RALGAPA1: variants seen among roughly 807,000 people sequenced by gnomAD.
The protein encoded by RALGAPA1 is ral GTPase-activating protein subunit alpha-1.
RALGAPA1 carries 52 observed loss-of-function variants against 269.6 expected under a neutral mutation model. That is an observed-to-expected ratio of 0.19 (90% CI 0.15 to 0.24). The LOEUF is 0.24. Ranked by LOEUF, RALGAPA1 falls within the 10% of genes least tolerant of loss-of-function variation. The probability of loss-of-function intolerance (pLI) is 1.00; values close to 1 mark genes in which losing one functional copy is unlikely to be tolerated. For missense variants in RALGAPA1, 1,917 were observed against 3,013.9 expected (o/e 0.64, Z 8.52); for synonymous variants, 817 against 1,008.3 (o/e 0.81, Z 3.60).
At chr14:35,676,639 G>T (rs892504455) in intron 22 of RALGAPA1, 2 of 152,166 alleles carry the variant, frequency 1.3e-5, no homozygotes, top group African/African-American at 4.8e-5. Context: ...TCATGAATAT[G>T]GCCATTATAT....
chr14:35,599,880 A>C (rs1365063067), intron 36 of RALGAPA1, among the ~76,000 whole-genome samples: 1 of 152,186 alleles, frequency 6.6e-6, no homozygotes, highest in Non-Finnish European at 1.5e-5. Context: ...CCCCCCACAG[A>C]TAAGGTACAC....
chr14:35,545,510 AAAGT>A (rs2054376640), intron 41 of RALGAPA1, among the ~76,000 whole-genome samples: 1 of 152,054 alleles, frequency 6.6e-6, no homozygotes, highest in Admixed American at 6.5e-5. Context: ...ATATTCTCCA[AAAGT>A]AATTATAAAA....
Position 35,689,636 on chromosome 14 carries a change from A to G in RALGAPA1, c.2775T>C (p.Phe925=). The G allele has an allele frequency of 1.6e-6, 2 of 1,268,462 alleles. No individual in the cohort carries two copies. Among genetic ancestry groups the G allele is most frequent in the Non-Finnish European group, 2.0e-6 (2 of 1,010,044 alleles). 78.6% of individuals were successfully genotyped at this position (1,268,462 alleles called of 1,614,324 possible). ...IGPVELADSA[F]EQIQYIDLEG... ...CAAGGTCAATGTACTGGATTTGTTCAAAAGCTGAATCTGCAAGTTCTACTG... is the reference window on the plus strand; with the variant it reads ...CAAGGTCAATGTACTGGATTTGTTCGAAAGCTGAATCTGCAAGTTCTACTG... The change falls in exon 18 of 42, where the codon TTT becomes TTC. Residue 925 remains phenylalanine (F), a synonymous_variant. Transcript: ENST00000680220.
Position 35,538,713 on chromosome 14 carries a change from T to C in RALGAPA1, c.*1001A>G, listed in dbSNP as rs2053720852. 1 of 152,030 alleles carries C rather than the reference T, an allele frequency of 6.6e-6. No homozygotes were observed. The highest frequency in any genetic ancestry group is 2.1e-4 in the South Asian group (1 of 4,818). The allele number at this position is 152,030 out of a possible 1,614,324, so 9.4% of individuals were successfully genotyped here. The stretch of plus-strand genomic sequence containing the variant: ...TAATACTCATAATTTGAACAACATA[T>C]TTATATCAGAAAATTTTCCTTCTTT... On this transcript the variant is annotated 3_prime_UTR_variant, in exon 42 of 42. Coordinates refer to ENST00000680220, the MANE Select transcript of RALGAPA1 (RefSeq NM_001346249.2).
At chr14:35,781,018 T>A (rs2075385844) in intron 1 of RALGAPA1, among the ~76,000 whole-genome samples, 1 of 151,824 alleles carries the variant, frequency 6.6e-6, no homozygotes, top group African/African-American at 2.4e-5. Context: ...GAAATAAAGA[T>A]TAGAAAGGAC....
At chr14:35,570,285 A>G (rs2057075519) in intron 39 of RALGAPA1, among the ~76,000 whole-genome samples, 2 of 151,508 alleles carry the variant, frequency 1.3e-5, no homozygotes, top group African/African-American at 2.4e-5. Context: ...AAAAAAAAAA[A>G]GCATGTGAAA....
chr14:35,545,867 A>G (rs1215071711), intron 41 of RALGAPA1, among the ~76,000 whole-genome samples: 2 of 152,170 alleles, frequency 1.3e-5, no homozygotes, highest in Non-Finnish European at 2.9e-5. Flanking sequence ...CAAGAAGAGC[A>G]GTAATTTCAT....
At position 35,600,232 on chromosome 14, in the gene RALGAPA1, C is replaced by CTTTTTTT. The variant is rs71124708; in HGVS notation, c.7054-4450_7054-4444dup. ...TCCTTTTTTTTCTTTTTCTTTTTTT[C>CTTTTTTT]TTTTTTTTTTTTTTTTTGAGACAGG... On this transcript the variant is annotated intron_variant, in intron 36 of 41. Transcript: ENST00000680220. Among the ~76,000 whole-genome samples, 47 of 86,944 alleles carry CTTTTTTT rather than the reference C, an allele frequency of 5.4e-4. 2 individuals are homozygous for CTTTTTTT. Among genetic ancestry groups the CTTTTTTT allele is most frequent in the African/African-American group, 1.3e-3 (30 of 22,910 alleles). 57.0% of individuals were successfully genotyped at this position (86,944 alleles called of 152,430 possible).
rs552670428 is a variant in RALGAPA1, at chr14:35,739,098, A to G, written c.1450-448T>C. ...GGAGTACTAAAATTCTCATTATTCA[A>G]AGAATACTGAAACTTCAAATCACTG... is the stretch of plus-strand genomic sequence containing the variant. On this transcript the variant is annotated intron_variant, in intron 11 of 41. Coordinates refer to ENST00000680220, the MANE Select transcript of RALGAPA1 (RefSeq NM_001346249.2). 3.3e-4 allele frequency among the ~76,000 whole-genome samples: 51 copies of G among 152,314 alleles called. 1 individual carries two copies. The highest frequency in any genetic ancestry group is 1.2e-3 in the African/African-American group (51 of 41,574).
chr14:35,686,997 C>A (rs891917058), intron 18 of RALGAPA1, among the ~76,000 whole-genome samples: 4 of 152,086 alleles, frequency 2.6e-5, no homozygotes, highest in Non-Finnish European at 5.9e-5. Flanking sequence ...TTTTTAGAGC[C>A]TTAACAATTT....
chr14:35,666,849 T>G (rs919788390), intron 26 of RALGAPA1, among the ~76,000 whole-genome samples: 1 of 152,176 alleles, frequency 6.6e-6, no homozygotes, highest in African/African-American at 2.4e-5. Context: ...TGACTAGTCA[T>G]CTGGAATACC....
intron 11 of RALGAPA1, among the ~76,000 whole-genome samples, chr14:35,739,342 T>C (rs2071338177): frequency 1.3e-5 from 2 of 152,132 alleles, no homozygotes; most frequent in Admixed American, 1.3e-4. Flanking sequence ...TTTAGTCCAA[T>C]ACAAACAGTT....
At chr14:35,698,106 C>T (rs1253882093) in intron 17 of RALGAPA1, among the ~76,000 whole-genome samples, 1 of 152,130 alleles carries the variant, frequency 6.6e-6, no homozygotes, top group East Asian at 1.9e-4. Flanking sequence ...GATGTCTCAA[C>T]ACCATCTAAA....
chr14:35,547,539 A>G (rs1286204429), intron 41 of RALGAPA1, among the ~76,000 whole-genome samples: 1 of 152,184 alleles, frequency 6.6e-6, no homozygotes, highest in Non-Finnish European at 1.5e-5. Flanking sequence ...TATAGGATAC[A>G]CAAGTGTTAT....
intron 16 of RALGAPA1, chr14:35,716,041 CT>C: frequency 1.0e-6 from 1 of 984,930 alleles, no homozygotes; most frequent in Non-Finnish European, 1.2e-6. Context: ...CATGTAATGA[CT>C]TTTTAAAAAG....
intron 1 of RALGAPA1, among the ~76,000 whole-genome samples, chr14:35,800,833 T>C (rs7160737): frequency 0.35 from 52,885 of 151,874 alleles, 12,701 homozygotes; most frequent in African/African-American, 0.67. Context: ...GGTAACAACC[T>C]GTCTCTACTA....
chr14:35,584,405 T>G (rs960057103), intron 37 of RALGAPA1, among the ~76,000 whole-genome samples: 5 of 151,838 alleles, frequency 3.3e-5, no homozygotes, highest in Non-Finnish European at 7.4e-5. Context: ...GCTGGGACCA[T>G]GGGGATACAC....
chr14:35,671,601 CAT>C (rs775176174), intron 25 of RALGAPA1, 84 bp from the exon 26 acceptor site: 19 of 645,480 alleles, frequency 2.9e-5, no homozygotes, highest in East Asian at 5.6e-5. Context: ...AAATAGATAA[CAT>C]ATGAAATAAT....
At chr14:35,783,377 A>G (rs2075584827) in intron 1 of RALGAPA1, among the ~76,000 whole-genome samples, 1 of 152,152 alleles carries the variant, frequency 6.6e-6, no homozygotes, top group Non-Finnish European at 1.5e-5. Flanking sequence ...GTACCCTTCA[A>G]AAGTCTTTTC....
Sources: allele counts gnomAD v4.1 joint callset (sites outside exome capture counted in the v4.1 genomes callset), GRCh38; gene constraint gnomAD v4.1.1; transcripts MANE v1.5; gene names NCBI Gene and HGNC (gene_info 2026-07-23, HGNC 2026-07-21).